Variants in BLOC1S3 observed in about 807,000 individuals in gnomAD.
The protein encoded by BLOC1S3 is biogenesis of lysosomal organelles complex 1 subunit 3.
In BLOC1S3, 7 loss-of-function variants were observed where a neutral mutation model predicts 9.1. The ratio of observed to expected loss-of-function variants is 0.77; its 90% CI spans 0.44 to 1.45. The LOEUF is 1.45. Among genes scored for constraint, BLOC1S3 ranks in the 40% most tolerant of loss-of-function variants. BLOC1S3 has a pLI of 0.01. For synonymous variants in BLOC1S3, 145 were observed against 158.4 expected (o/e 0.92, Z 0.64); for missense variants, 307 against 315.2 (o/e 0.97, Z 0.20).
intron 3 of BLOC1S3, among the ~76,000 whole-genome samples, chr19:45,214,986 T>C (rs1969818281): frequency 6.6e-6 from 1 of 151,178 alleles, no homozygotes; most frequent in South Asian, 2.1e-4. Context: ...TGAAATCCCA[T>C]CTCTACTAAA....
chr19:45,208,542 G>A (rs1041051216), intron 3 of BLOC1S3, among the ~76,000 whole-genome samples: 15 of 152,038 alleles, frequency 9.9e-5, no homozygotes, highest in South Asian at 2.1e-4. Context: ...ACCTGATGAG[G>A]TCAGGAGTTC....
chr19:45,207,458 T>A (rs1259485916), intron 3 of BLOC1S3, among the ~76,000 whole-genome samples: 1 of 149,236 alleles, frequency 6.7e-6, no homozygotes, highest in Admixed American at 6.8e-5. Flanking sequence ...ATGGTCACTG[T>A]AGAGTTTATA....
In BLOC1S3 at chr19:45,179,324, C is replaced by T. The variant is rs1157707767; in HGVS notation, c.28C>T (p.Pro10Ser). Reference protein sequence around the residue: MASQGRRRRPLRRPETVVPG... With the variant: MASQGRRRRSLRRPETVVPG... The stretch of plus-strand genomic sequence containing the variant: ...GGCGTCCCAGGGTCGTCGGCGGAGG[C>T]CCCTGCGGAGGCCGGAGACGGTGGT... The change falls in exon 2 of 2, where the codon CCC becomes TCC. Residue 10 changes from proline to serine, a missense_variant. Transcript: ENST00000433642. This position sits in a 1 kb window ranked among gnomAD's most constrained non-coding sequence, Gnocchi z 4.6. 6.3e-7 allele frequency: 1 copy of T among 1,585,512 alleles called. No individual in the cohort carries two copies. The highest frequency in any genetic ancestry group is 1.7e-5 in the Admixed American group (1 of 58,460).
chr19:45,194,043 T>C (rs896679905), intron 2 of BLOC1S3, among the ~76,000 whole-genome samples: 1 of 138,396 alleles, frequency 7.2e-6, no homozygotes, highest in African/African-American at 2.7e-5. Context: ...GACCTCACGA[T>C]CCGCCCTCCT....
At chr19:45,202,926 G>C (rs1430199028) in intron 3 of BLOC1S3, among the ~76,000 whole-genome samples, 2 of 152,092 alleles carry the variant, frequency 1.3e-5, no homozygotes, top group African/African-American at 2.4e-5. Flanking sequence ...GGTCCAGGGT[G>C]TGTCCAAAAA....
chr19:45,194,003 C>T (rs1351306830), intron 2 of BLOC1S3, among the ~76,000 whole-genome samples: 1 of 134,392 alleles, frequency 7.4e-6, no homozygotes, highest in Non-Finnish European at 1.6e-5. Context: ...AGGGGTTTCA[C>T]CGTGTTAGCC....
Position 45,181,786 on chromosome 19 carries a change from A to T in BLOC1S3, c.*1881A>T, listed in dbSNP as rs1356791478. The T allele has an allele frequency of 6.0e-6, 1 of 166,176 alleles. No individual in the cohort carries two copies. The highest frequency in any genetic ancestry group is 1.5e-5 in the Non-Finnish European group (1 of 67,914). 10.3% of individuals were successfully genotyped at this position (166,176 alleles called of 1,614,324 possible). On this transcript the variant is annotated 3_prime_UTR_variant, in exon 2 of 2. Transcript: ENST00000433642. ...AGCTTTTTATGGCGGACTGATTAAA[A>T]CTCTTAAGCATTTACCCTTATGGTT...
chr19:45,200,785 A>T (rs754578235), intron 2 of BLOC1S3, among the ~76,000 whole-genome samples: 2 of 152,078 alleles, frequency 1.3e-5, no homozygotes, highest in Non-Finnish European at 2.9e-5. Context: ...GCTTATTTGA[A>T]CCCATCCTTC....
At chr19:45,188,896 G>A (rs373105241) in intron 2 of BLOC1S3, among the ~76,000 whole-genome samples, 52 of 148,540 alleles carry the variant, frequency 3.5e-4, no homozygotes, top group African/African-American at 1.1e-3. Flanking sequence ...CTATTTTGAG[G>A]CAGAGTCTTG....
chr19:45,200,221 GC>G (rs111318023), intron 2 of BLOC1S3, among the ~76,000 whole-genome samples: 161 of 140,186 alleles, frequency 1.1e-3, no homozygotes, highest in African/African-American at 3.9e-3. Flanking sequence ...TCGCTGTGTC[GC>G]CCAGGCTGGG....
At chr19:45,212,828 G>A in intron 3 of BLOC1S3, 1 of 449,068 alleles carries the variant, frequency 2.2e-6, no homozygotes, top group Non-Finnish European at 3.8e-6. Flanking sequence ...TTGAACTCCT[G>A]GGCTCAAGCA....
intron 2 of BLOC1S3, among the ~76,000 whole-genome samples, chr19:45,190,382 C>T (rs940452118): frequency 1.3e-5 from 2 of 151,580 alleles, no homozygotes; most frequent in African/African-American, 4.8e-5. Flanking sequence ...CTCTCCCCCA[C>T]CCATATATAT....
chr19:45,216,240 C>A, intron 3 of BLOC1S3: 1 of 1,598,394 alleles, frequency 6.3e-7, no homozygotes. Flanking sequence ...CAAGATTGAC[C>A]CTGCCAATTC....
At chr19:45,194,854 T>C (rs1242088491) in intron 2 of BLOC1S3, among the ~76,000 whole-genome samples, 1 of 152,108 alleles carries the variant, frequency 6.6e-6, no homozygotes, top group African/African-American at 2.4e-5. Context: ...ACTGTCAATA[T>C]TGTATTTCTT....
chr19:45,202,469 T>G (rs1969698766), exon 3 of BLOC1S3: 1 of 154,016 alleles, frequency 6.5e-6, no homozygotes, highest in Admixed American at 6.5e-5. Context: ...CTACTGCTGA[T>G]GTTCACTCAA....
rs201418681 is a variant in BLOC1S3 at position 45,203,496 on chromosome 19, A to C, written n.282+989A>C. 1.3e-4 allele frequency among the ~76,000 whole-genome samples: 20 copies of C among 151,626 alleles called. No homozygotes were observed. The East Asian group carries it at 3.9e-3, about 30-fold the overall frequency. On this transcript the variant is annotated intron_variant and non_coding_transcript_variant, in intron 3 of 3. Coordinates refer to the BLOC1S3 transcript ENST00000591569. The stretch of plus-strand genomic sequence containing the variant: ...ACCATGTTGGTGAGGCTGGTCTCGA[A>C]CTCCTGACCTCGTGATCCGCCTGCC...
At chr19:45,206,270 T>C (rs1486523330) in intron 3 of BLOC1S3, among the ~76,000 whole-genome samples, 1 of 149,076 alleles carries the variant, frequency 6.7e-6, no homozygotes, top group Non-Finnish European at 1.5e-5. Context: ...GGCAGGAGAA[T>C]TGCTTGAACC....
chr19:45,210,289 C>CTTTTTTTT (rs71173125), intron 3 of BLOC1S3, among the ~76,000 whole-genome samples: 3 of 74,436 alleles, frequency 4.0e-5, no homozygotes, highest in Non-Finnish European at 7.8e-5. Context: ...ACTATTTTAA[C>CTTTTTTTT]TTTTTTTTTT....
intron 2 of BLOC1S3, among the ~76,000 whole-genome samples, chr19:45,196,570 G>A (rs1339429464): frequency 6.6e-6 from 1 of 152,004 alleles, no homozygotes; most frequent in Non-Finnish European, 1.5e-5. Flanking sequence ...GGAGGCAGGG[G>A]TCTTTGGGTA....
Sources: gnomAD v4.1 joint callset for allele counts (sites outside exome capture counted in the v4.1 genomes callset) on GRCh38, gnomAD v4.1.1 for gene constraint, Gnocchi (gnomAD v3.1) non-coding constraint, MANE v1.5 for transcripts, NCBI Gene and HGNC (gene_info 2026-07-23, HGNC 2026-07-21) for gene names.